CREBBP: variants seen among roughly 807,000 people sequenced by gnomAD.
CREBBP encodes CREB-binding protein.
Under a neutral mutation model 265.0 loss-of-function variants are expected in CREBBP, and 19 were observed. The ratio of observed to expected loss-of-function variants is 0.07; its 90% CI spans 0.05 to 0.11. The LOEUF (loss-of-function observed/expected upper bound fraction) is 0.11, where lower values mean the gene tolerates loss of function less well. Ranked by LOEUF, CREBBP falls within the 10% of genes least tolerant of loss-of-function variation. The pLI, the probability that CREBBP is intolerant of heterozygous loss-of-function variation, is 1.00. For missense variants in CREBBP, 2,525 were observed against 3,219.0 expected, an observed-to-expected ratio of 0.78 and a Z score of 5.22; for synonymous variants, 1,457 against 1,223.7, an observed-to-expected ratio of 1.19 and a Z score of -3.98.
intron 1 of CREBBP, among the ~76,000 whole-genome samples, chr16:3,872,004 C>A (rs1230135979): frequency 2.0e-5 from 3 of 152,096 alleles, no homozygotes; most frequent in African/African-American, 7.2e-5. Flanking sequence ...CTATTCTTAG[C>A]AATGGTTCAA....
chr16:3,821,673 A>G (rs1333024747), intron 2 of CREBBP, among the ~76,000 whole-genome samples: 1 of 152,198 alleles, frequency 6.6e-6, no homozygotes, highest in East Asian at 1.9e-4. Context: ...CACACGGGCA[A>G]TGGAAAAAGA....
intron 1 of CREBBP, among the ~76,000 whole-genome samples, chr16:3,856,486 A>T (rs1334617454): frequency 2.6e-5 from 4 of 152,020 alleles, no homozygotes; most frequent in Non-Finnish European, 5.9e-5. Context: ...CCAGCTAATT[A>T]AAAAAATTTT....
intron 1 of CREBBP, among the ~76,000 whole-genome samples, chr16:3,860,615 A>C (rs1056642508): frequency 1.3e-5 from 2 of 152,222 alleles, no homozygotes; most frequent in Non-Finnish European, 2.9e-5. Flanking sequence ...GATATTTCAA[A>C]ACATCATGTT....
At chr16:3,811,640 T>C (rs902403607) in intron 2 of CREBBP, among the ~76,000 whole-genome samples, 16 of 152,220 alleles carry the variant, frequency 1.1e-4, no homozygotes, top group African/African-American at 3.6e-4. Flanking sequence ...TACAGGCACG[T>C]GCCACCAGGT....
chr16:3,768,136 GTTTTTTTTTTT>G lies in CREBBP; in HGVS notation c.3061-238_3061-228del, dbSNP rs71133655. Among the ~76,000 whole-genome samples, 405 of 51,596 alleles carry G rather than the reference GTTTTTTTTTTT, an allele frequency of 7.8e-3. 6 individuals are homozygous for G. The East Asian group carries it at 0.16, about 21-fold the overall frequency. 33.8% of individuals were successfully genotyped at this position (51,596 alleles called of 152,430 possible). A position where few individuals can be genotyped will look rare whatever the true frequency, so the allele number is the denominator to read the frequency against. ...CAATTATGGTCCTAAATTTAAAAGT[GTTTTTTTTTTT>G]TTTTTTTTTTTTTTTTTTTTTTGAG... is the stretch of plus-strand genomic sequence containing the variant. On this transcript the variant is annotated intron_variant, in intron 15 of 30. Coordinates refer to ENST00000262367, the MANE Select transcript of CREBBP (RefSeq NM_004380.3).
chr16:3,844,883 G>T (rs920817876), intron 2 of CREBBP, among the ~76,000 whole-genome samples: 1 of 152,000 alleles, frequency 6.6e-6, no homozygotes, highest in Non-Finnish European at 1.5e-5. Flanking sequence ...AACTTAGTAA[G>T]AAAGATTTAT....
intron 1 of CREBBP, among the ~76,000 whole-genome samples, chr16:3,862,232 T>C (rs2055091595): frequency 1.3e-5 from 2 of 152,050 alleles, no homozygotes; most frequent in Non-Finnish European, 2.9e-5. Flanking sequence ...GAGCAGAAGT[T>C]TAGAGGAAAA....
At chr16:3,733,938 G>A (rs887505771) in intron 28 of CREBBP, among the ~76,000 whole-genome samples, 34 of 152,282 alleles carry the variant, frequency 2.2e-4, no homozygotes, top group African/African-American at 8.2e-4. Context: ...CACCACGCCC[G>A]GCCTGGAAGT....
chr16:3,786,486 T>A (rs1444778438), intron 5 of CREBBP, among the ~76,000 whole-genome samples: 1 of 152,166 alleles, frequency 6.6e-6, no homozygotes, highest in South Asian at 2.1e-4. Flanking sequence ...AAAACTGAAC[T>A]CCATTTGGAA....
intron 1 of CREBBP, among the ~76,000 whole-genome samples, chr16:3,878,804 A>G (rs1288286076): frequency 6.6e-6 from 1 of 152,220 alleles, no homozygotes; most frequent in South Asian, 2.1e-4. Flanking sequence ...TTTGCGGCAA[A>G]GGAGAGAGCT....
At position 3,769,239 on chromosome 16, in the gene CREBBP, T is replaced by G. The variant is rs763032026; in HGVS notation, c.2995A>C (p.Thr999Pro). 1 of 1,614,140 alleles carries G rather than the reference T, an allele frequency of 6.2e-7. No individual in the cohort carries two copies. Among genetic ancestry groups the G allele is most frequent in the South Asian group, 1.1e-5 (1 of 91,066 alleles). Residue 999 changes from threonine (T) to proline (P), a missense_variant, in exon 15 of 31, where the codon ACG becomes CCG. Physicochemically the swap from Thr to Pro is conservative, Grantham distance 38. Transcript: ENST00000262367. ...GPDVPVLEMK[T>P]ETQAEDTEPD... ...TCAGTGTCCTCTGCTTGGGTCTCCGTCTTCATTTCCAGCACAGGTACGTCA... is the reference window on the plus strand; with the variant it reads ...TCAGTGTCCTCTGCTTGGGTCTCCGGCTTCATTTCCAGCACAGGTACGTCA...
At chr16:3,865,049 ACT>A (rs1356211173) in intron 1 of CREBBP, among the ~76,000 whole-genome samples, 4 of 151,948 alleles carry the variant, frequency 2.6e-5, no homozygotes, top group Non-Finnish European at 5.9e-5. Flanking sequence ...ACAAAGCAAG[ACT>A]CTGTCTCAAA....
In CREBBP at chr16:3,791,586, C is replaced by T. The variant is rs140645426; in HGVS notation, c.1330+395G>A. Among the ~76,000 whole-genome samples the T allele has an allele frequency of 4.0e-3, 614 of 152,306 alleles. 4 individuals are homozygous for T. Among genetic ancestry groups the T allele is most frequent in the African/African-American group, 0.014 (589 of 41,564 alleles). On this transcript the variant is annotated intron_variant, in intron 5 of 30. Coordinates refer to ENST00000262367, the MANE Select transcript of CREBBP (RefSeq NM_004380.3). ...TTTCCAATTCCAAAAGAAGTATCCCCTCTATCCCCCTCCCTAAGACGTCAC... is the reference window on the plus strand; with the variant it reads ...TTTCCAATTCCAAAAGAAGTATCCCTTCTATCCCCCTCCCTAAGACGTCAC...
chr16:3,861,504 C>T lies in CREBBP; in HGVS notation c.86-10495G>A, dbSNP rs115793910. Among the ~76,000 whole-genome samples, 585 of 152,258 alleles carry T rather than the reference C, an allele frequency of 3.8e-3. 3 individuals are homozygous for T. The highest frequency in any genetic ancestry group is 0.013 in the African/African-American group (557 of 41,564). On this transcript the variant is annotated intron_variant, in intron 1 of 30. Transcript: ENST00000262367. ...CTCCAGGGTTGGTACAGAGCAGGCG[C>T]TCAACAGCCGCCACTTATCAATGGT...
Position 3,773,890 on chromosome 16 carries a change from A to G in CREBBP, c.2324T>C (p.Met775Thr), listed in dbSNP as rs1438720122. The G allele has an allele frequency of 1.9e-6, 3 of 1,612,162 alleles. No individual in the cohort carries two copies. Among genetic ancestry groups the G allele is most frequent in the African/African-American group, 1.3e-5 (1 of 74,856 alleles). The change falls in exon 13 of 31, where the codon ATG becomes ACG. Residue 775 changes from methionine to threonine, a missense_variant. Met to Thr is a moderately conservative substitution (Grantham distance 81). Coordinates refer to ENST00000262367, the MANE Select transcript of CREBBP (RefSeq NM_004380.3). ...CATGTTGTTGGTGTGTGCACCCATC[A>G]TGTTCGGAGGCTGAGGCATTCGGGA... Reference protein sequence around the residue: ...SPSRMPQPPNMMGAHTNNMMA... With the variant: ...SPSRMPQPPNTMGAHTNNMMA...
At chr16:3,790,297 A>C (rs2141275323) in intron 5 of CREBBP, among the ~76,000 whole-genome samples, 2 of 151,854 alleles carry the variant, frequency 1.3e-5, no homozygotes, top group Middle Eastern at 6.8e-3. Flanking sequence ...AGAAATGTCC[A>C]GGGAAATTGT....
In CREBBP at chr16:3,850,497, G is replaced by C. The variant is rs587783509; in HGVS notation, c.598C>G (p.Gln200Glu). The change falls in exon 2 of 31, where the codon CAG (glutamine) becomes GAG (glutamate). Residue 200 changes from glutamine (Q) to glutamate (E), a missense_variant. Gln to Glu is a conservative substitution (Grantham distance 29, BLOSUM62 2). Coordinates refer to ENST00000262367, the MANE Select transcript of CREBBP (RefSeq NM_004380.3). ...NSNSGHSLIN[Q>E]ASQGQAQVMN... ...ACTTGCGCCTGCCCTTGTGAAGCCT[G>C]ATTAATTAAGCTATGGCCAGAGTTA... 1 of 1,614,268 alleles carries C rather than the reference G, an allele frequency of 6.2e-7. No homozygotes were observed. Among genetic ancestry groups the C allele is most frequent in the East Asian group, 2.2e-5 (1 of 44,884 alleles).
intron 23 of CREBBP, chr16:3,743,692 G>A (rs2052270994): frequency 1.3e-5 from 2 of 152,156 alleles, no homozygotes; most frequent in South Asian, 2.1e-4. Context: ...AGCCTGGCGC[G>A]TCAAGCTGCA....
intron 1 of CREBBP, among the ~76,000 whole-genome samples, chr16:3,878,139 G>A (rs770609197): frequency 1.3e-5 from 2 of 152,170 alleles, no homozygotes; most frequent in Non-Finnish European, 2.9e-5. Context: ...TTCAACAACA[G>A]CAAAGCTACA....
Sources: gnomAD v4.1 joint callset for allele counts (sites outside exome capture counted in the v4.1 genomes callset) on GRCh38, gnomAD v4.1.1 for gene constraint, MANE v1.5 for transcripts, NCBI Gene and HGNC (gene_info 2026-07-23, HGNC 2026-07-21) for gene names.